AGMO: variants seen among roughly 807,000 people sequenced by gnomAD.
AGMO encodes alkylglycerol monooxygenase, also known as glyceryl-ether monooxygenase.
AGMO carries 75 observed loss-of-function variants against 60.2 expected under a neutral mutation model. The observed-to-expected ratio is 1.25, with a 90% CI of 1.03 to 1.51. The LOEUF (loss-of-function observed/expected upper bound fraction) is 1.51, where lower values mean the gene tolerates loss of function less well. Ranked by LOEUF, AGMO falls within the 40% of genes most tolerant of loss-of-function variation. AGMO has a pLI of 0.00. For missense variants in AGMO, 763 were observed against 525.5 expected, an observed-to-expected ratio of 1.45 and a Z score of -4.42; for synonymous variants, 261 against 177.1, an observed-to-expected ratio of 1.47 and a Z score of -3.76.
chr7:15,289,815 A>G (rs1784205690), intron 12 of AGMO, among the ~76,000 whole-genome samples: 1 of 152,048 alleles, frequency 6.6e-6, no homozygotes, highest in Non-Finnish European at 1.5e-5. Flanking sequence ...TACATTCATT[A>G]TAGTAAAAGG....
intron 12 of AGMO, among the ~76,000 whole-genome samples, chr7:15,269,087 A>G (rs1783519822): frequency 6.6e-6 from 1 of 152,110 alleles, no homozygotes; most frequent in Admixed American, 6.6e-5. Context: ...GTTTTGTTCC[A>G]CTATTCAACT....
At chr7:15,514,612 G>A (rs1003443163) in intron 3 of AGMO, among the ~76,000 whole-genome samples, 13 of 152,078 alleles carry the variant, frequency 8.5e-5, no homozygotes, top group African/African-American at 3.1e-4. Context: ...AGGAAGTAAA[G>A]AAATGCCTTA....
At chr7:15,470,219 A>T (rs1782414122) in intron 3 of AGMO, among the ~76,000 whole-genome samples, 1 of 152,064 alleles carries the variant, frequency 6.6e-6, no homozygotes, top group Non-Finnish European at 1.5e-5. Context: ...ATGCTCTGAT[A>T]TTTAATCATT....
chr7:15,428,533 A>C (rs1181385458), intron 4 of AGMO, among the ~76,000 whole-genome samples: 1 of 152,182 alleles, frequency 6.6e-6, no homozygotes, highest in Non-Finnish European at 1.5e-5. Context: ...GCATTGACTT[A>C]ATAAAGAAAA....
At chr7:15,365,724 T>TTC in intron 11 of AGMO, 105 bp from the exon 12 acceptor site, 1 of 751,262 alleles carries the variant, frequency 1.3e-6, no homozygotes, top group Non-Finnish European at 2.1e-6. Context: ...TACCTAGTAT[T>TTC]TTAATATATT....
intron 12 of AGMO, among the ~76,000 whole-genome samples, chr7:15,206,599 T>C (rs1242211505): frequency 6.6e-6 from 1 of 152,058 alleles, no homozygotes; most frequent in Non-Finnish European, 1.5e-5. Context: ...TGAAAAACAA[T>C]GTAAAAAGAA....
chr7:15,167,625 G>A, the AGMO span, among the ~76,000 whole-genome samples: 6 of 152,094 alleles, frequency 3.9e-5, no homozygotes, highest in East Asian at 1.9e-4. Context: ...CCAAAAGTTC[G>A]CACCTATCTA....
chr7:15,317,844 T>C (rs1002793775), intron 12 of AGMO, among the ~76,000 whole-genome samples: 3 of 149,032 alleles, frequency 2.0e-5, no homozygotes, highest in Admixed American at 6.8e-5. Context: ...ATTTTTGTCA[T>C]ATATATATAT....
In AGMO at chr7:15,561,550, A is replaced by T. The variant is rs2115320491; in HGVS notation, c.126+170T>A. ...TGAAGATGGCTATGGATTGTAAGAA[A>T]ATTCAAGTGGAAATTCTACTTTTGC... On this transcript the variant is annotated intron_variant, in intron 1 of 12. Transcript: ENST00000342526. 1.3e-5 allele frequency among the ~76,000 whole-genome samples: 2 copies of T among 152,316 alleles called. 1 individual carries two copies. The highest frequency in any genetic ancestry group is 4.1e-4 in the South Asian group (2 of 4,822).
chr7:15,240,715 G>A (rs1156833071), intron 12 of AGMO, among the ~76,000 whole-genome samples: 1 of 151,782 alleles, frequency 6.6e-6, no homozygotes, highest in African/African-American at 2.4e-5. Flanking sequence ...TAATCTATAG[G>A]GCAATTTTCA....
intron 12 of AGMO, among the ~76,000 whole-genome samples, chr7:15,230,639 G>C (rs1477260896): frequency 1.3e-5 from 2 of 152,126 alleles, no homozygotes; most frequent in Admixed American, 6.5e-5. Context: ...CTTTATCTGA[G>C]GCCTTGTGCA....
chr7:15,275,798 CTTTT>C (rs553694767), intron 12 of AGMO, among the ~76,000 whole-genome samples: 2 of 150,266 alleles, frequency 1.3e-5, no homozygotes, highest in East Asian at 1.9e-4. Context: ...ATGCTTTTGT[CTTTT>C]TTTTTAACCA....
At chr7:15,551,009 C>G (rs1201432455) in intron 2 of AGMO, among the ~76,000 whole-genome samples, 4 of 143,522 alleles carry the variant, frequency 2.8e-5, no homozygotes, top group Non-Finnish European at 6.1e-5. Context: ...AAGGCTGGTT[C>G]AATATACGCA....
chr7:15,529,627 A>AC (rs1562554864), intron 3 of AGMO, among the ~76,000 whole-genome samples: 1 of 4,564 alleles, frequency 2.2e-4, no homozygotes, highest in African/African-American at 1.4e-3. Flanking sequence ...TAGAATATAT[A>AC]TATAGAATAT....
intron 4 of AGMO, among the ~76,000 whole-genome samples, chr7:15,426,574 C>A (rs1781069290): frequency 6.6e-6 from 1 of 151,954 alleles, no homozygotes; most frequent in South Asian, 2.1e-4. Flanking sequence ...CATGGCAAAA[C>A]CCTGTCTATA....
intron 3 of AGMO, among the ~76,000 whole-genome samples, chr7:15,539,932 T>C (rs926207544): frequency 2.0e-5 from 3 of 152,188 alleles, no homozygotes; most frequent in Non-Finnish European, 2.9e-5. Flanking sequence ...TTTGTTATTC[T>C]ATGTAATATA....
chr7:15,184,425 AGAAGGAAGGAAG>A, the AGMO span, among the ~76,000 whole-genome samples: 3 of 67,366 alleles, frequency 4.5e-5, no homozygotes, highest in African/African-American at 1.2e-4. Context: ...AGGAAGGAAA[AGAAGGAAGGAAG>A]GGAGGGAGGG....
chr7:15,533,035 G>C (rs1023369807), intron 3 of AGMO, among the ~76,000 whole-genome samples: 1 of 152,024 alleles, frequency 6.6e-6, no homozygotes, highest in African/African-American at 2.4e-5. Context: ...TACAACTTTA[G>C]TGAAATTCAG....
chr7:15,194,468 G>A, the AGMO span, among the ~76,000 whole-genome samples: 2 of 152,230 alleles, frequency 1.3e-5, no homozygotes, highest in East Asian at 3.9e-4. Context: ...GCCCTCTGCA[G>A]TTGCATGTGT....
Sources: allele counts gnomAD v4.1 joint callset (sites outside exome capture counted in the v4.1 genomes callset), GRCh38; gene constraint gnomAD v4.1.1; transcripts MANE v1.5; gene names NCBI Gene and HGNC (gene_info 2026-07-23, HGNC 2026-07-21).